MACROD1: variants seen among roughly 807,000 people sequenced by gnomAD.
The protein encoded by MACROD1 is ADP-ribose glycohydrolase MACROD1.
A neutral mutation model predicts 41.4 loss-of-function variants in MACROD1; 31 were observed. That is an observed-to-expected ratio of 0.75 (90% confidence interval 0.56 to 1.01). The LOEUF (loss-of-function observed/expected upper bound fraction) is 1.01. Among genes scored for constraint, MACROD1 ranks in the 50% least tolerant of loss-of-function variants. The pLI, the probability that MACROD1 is intolerant of heterozygous loss-of-function variation, is 0.00. For missense variants in MACROD1, 473 were observed against 460.0 expected (o/e 1.03, Z -0.26); for synonymous variants, 252 against 203.4 (o/e 1.24, Z -2.03).
At position 64,059,475 on chromosome 11, in the gene MACROD1, C is replaced by T. The variant is rs548026951; in HGVS notation, c.518-44194G>A. On this transcript the variant is annotated intron_variant, in intron 3 of 10. Transcript: ENST00000255681. Reference sequence around the variant, plus strand: ...CGTGGGCCCACCTGTTCTGAGAGGGCATCCCATGCCCTTCCACAGGCTGAC... The same window carrying T: ...CGTGGGCCCACCTGTTCTGAGAGGGTATCCCATGCCCTTCCACAGGCTGAC... 5.1e-4 allele frequency among the ~76,000 whole-genome samples: 78 copies of T among 152,290 alleles called. 1 individual carries two copies. The highest frequency in any genetic ancestry group is 1.2e-3 in the Admixed American group (19 of 15,306).
At chr11:64,050,156 C>G (rs1206187126) in intron 3 of MACROD1, among the ~76,000 whole-genome samples, 1 of 152,090 alleles carries the variant, frequency 6.6e-6, no homozygotes, top group African/African-American at 2.4e-5. Flanking sequence ...CGTCTTCACC[C>G]TGCCACTCCC....
At chr11:64,112,441 G>C (rs1944879609) in intron 3 of MACROD1, among the ~76,000 whole-genome samples, 1 of 152,192 alleles carries the variant, frequency 6.6e-6, no homozygotes, top group Admixed American at 6.5e-5. Context: ...TTGAACCTGG[G>C]AGGCGGAGGT....
At chr11:64,008,558 C>A (rs565256921) in intron 4 of MACROD1, among the ~76,000 whole-genome samples, 25 of 152,244 alleles carry the variant, frequency 1.6e-4, no homozygotes, top group Middle Eastern at 3.4e-3. Context: ...CAGAGGAGCG[C>A]TCGGGCCCGG....
At chr11:64,046,136 T>C (rs963779418) in intron 3 of MACROD1, among the ~76,000 whole-genome samples, 1 of 152,162 alleles carries the variant, frequency 6.6e-6, no homozygotes, top group African/African-American at 2.4e-5. Context: ...AGGGGTAGGA[T>C]GGGAACCCGG....
chr11:64,007,644 C>T (rs1286111310), intron 4 of MACROD1, among the ~76,000 whole-genome samples: 1 of 152,170 alleles, frequency 6.6e-6, no homozygotes, highest in African/African-American at 2.4e-5. Flanking sequence ...TCTGGTTCGG[C>T]CTCTGGACCC....
intron 3 of MACROD1, among the ~76,000 whole-genome samples, chr11:64,069,943 C>CT (rs1944076290): frequency 6.6e-6 from 1 of 152,044 alleles, no homozygotes. Context: ...GAGCCCGACT[C>CT]GCGCCCAGTG....
chr11:64,026,001 T>C (rs1286434689), intron 3 of MACROD1, among the ~76,000 whole-genome samples: 1 of 152,040 alleles, frequency 6.6e-6, no homozygotes, highest in Non-Finnish European at 1.5e-5. Flanking sequence ...GCCAACATGG[T>C]GAAACCCCGT....
intron 1 of MACROD1, among the ~76,000 whole-genome samples, chr11:64,160,558 G>C (rs113956637): frequency 2.0e-5 from 3 of 152,212 alleles, no homozygotes; most frequent in African/African-American, 4.8e-5. Context: ...TAATCTCAGC[G>C]CTAGCACTTT....
At chr11:64,095,200 T>TA (rs1255648820) in intron 3 of MACROD1, among the ~76,000 whole-genome samples, 1 of 152,220 alleles carries the variant, frequency 6.6e-6, no homozygotes, top group Non-Finnish European at 1.5e-5. Flanking sequence ...TTTATTTATT[T>TA]AAAATAGTCT....
At chr11:64,063,874 C>T (rs1014881327) in intron 3 of MACROD1, among the ~76,000 whole-genome samples, 2 of 152,200 alleles carry the variant, frequency 1.3e-5, no homozygotes, top group Admixed American at 1.3e-4. Flanking sequence ...CTCCCCAGCC[C>T]CAGAGAGGGT....
intron 3 of MACROD1, among the ~76,000 whole-genome samples, chr11:64,069,960 A>G (rs1944076751): frequency 1.3e-5 from 2 of 152,036 alleles, no homozygotes; most frequent in South Asian, 4.2e-4. Flanking sequence ...AGTGGGATCA[A>G]TGTCCCTCTG....
intron 3 of MACROD1, among the ~76,000 whole-genome samples, chr11:64,030,580 C>A (rs1265970484): frequency 6.6e-5 from 10 of 152,132 alleles, no homozygotes; most frequent in Admixed American, 3.9e-4. Context: ...TACGTACTCC[C>A]CAGGAAGCAA....
chr11:63,999,390 C>T lies in MACROD1; in HGVS notation c.832G>A (p.Ala278Thr). The change falls in exon 8 of 11, where the codon GCG becomes ACG. Residue 278 changes from alanine to threonine, a missense_variant. Ala to Thr is a moderately conservative substitution (Grantham distance 58, BLOSUM62 0). Transcript: ENST00000255681. ...STGVFGYPCE[A>T]AAEIVLATLR... ...GTGGCCAGCACGATCTCGGCGGCCG[C>T]CTCACAGGGGTAGCCTGAGGCGGGT... 1 of 1,591,968 alleles carries T rather than the reference C, an allele frequency of 6.3e-7. No individual in the cohort carries two copies. The highest frequency in any genetic ancestry group is 8.5e-7 in the Non-Finnish European group (1 of 1,173,182).
intron 3 of MACROD1, among the ~76,000 whole-genome samples, chr11:64,110,718 C>T (rs774767198): frequency 2.0e-5 from 3 of 152,296 alleles, no homozygotes; most frequent in African/African-American, 7.2e-5. Context: ...ACTCACACCA[C>T]GCTGAAGTCT....
chr11:64,010,936 ATGTTGGTTGGGG>A (rs1943003865), intron 4 of MACROD1, among the ~76,000 whole-genome samples: 2 of 102,966 alleles, frequency 1.9e-5, no homozygotes, highest in Non-Finnish European at 3.8e-5. Context: ...GTTGGCTGGC[ATGTTGGTTGGGG>A]TGTTGGCTGG....
chr11:64,166,046 C>A lies in MACROD1; in HGVS notation c.-52G>T. 8.1e-7 allele frequency: 1 copy of A among 1,241,394 alleles called. No homozygotes were observed. The highest frequency in any genetic ancestry group is 1.0e-6 in the Non-Finnish European group (1 of 994,354). The allele number at this position is 1,241,394 out of a possible 1,614,324, so 76.9% of individuals were successfully genotyped here. ...GCCCACTTGGACTCTATTTACGGCG[C>A]TCGGGAGTGTCTCTCCCTTATTTAC... On this transcript the variant is annotated 5_prime_UTR_variant, in exon 1 of 11. Transcript: ENST00000255681.
chr11:64,076,561 C>T (rs1420570444), intron 3 of MACROD1, among the ~76,000 whole-genome samples: 1 of 152,162 alleles, frequency 6.6e-6, no homozygotes, highest in South Asian at 2.1e-4. Context: ...TCTAAGTTCT[C>T]GGCCAGAGAA....
intron 3 of MACROD1, among the ~76,000 whole-genome samples, chr11:64,061,441 C>T (rs1664623675): frequency 6.6e-6 from 1 of 152,212 alleles, no homozygotes; most frequent in Admixed American, 6.5e-5. Flanking sequence ...GTGCCTCCTG[C>T]GCCCAACAGC....
At chr11:64,027,335 G>A (rs1943236045) in intron 3 of MACROD1, among the ~76,000 whole-genome samples, 1 of 152,180 alleles carries the variant, frequency 6.6e-6, no homozygotes, top group South Asian at 2.1e-4. Context: ...CTTTAGAGCT[G>A]GGGAAGGGAG....
Sources: gnomAD v4.1 joint callset for allele counts (sites outside exome capture counted in the v4.1 genomes callset) on GRCh38, gnomAD v4.1.1 for gene constraint, MANE v1.5 for transcripts, NCBI Gene and HGNC (gene_info 2026-07-23, HGNC 2026-07-21) for gene names.